IGSF5: variants seen among roughly 807,000 people sequenced by gnomAD.
The protein encoded by IGSF5 is immunoglobulin superfamily member 5, also known as immunoglobulin superfamily 5 like.
A neutral mutation model predicts 39.4 loss-of-function variants in IGSF5; 41 were observed. The ratio of observed to expected loss-of-function variants is 1.04; its 90% CI spans 0.81 to 1.35. The LOEUF (loss-of-function observed/expected upper bound fraction) is 1.35. IGSF5 is among the 40% of genes most tolerant of loss of function. IGSF5 has a pLI of 0.00. For synonymous variants in IGSF5, 183 were observed against 175.3 expected (o/e 1.04, Z -0.34); for missense variants, 487 against 494.6 (o/e 0.98, Z 0.15).
intron 8 of IGSF5, among the ~76,000 whole-genome samples, chr21:39,796,799 T>A (rs1458388425): frequency 6.6e-6 from 1 of 152,240 alleles, no homozygotes; most frequent in Non-Finnish European, 1.5e-5. Flanking sequence ...TGAGCCAGCC[T>A]GAAGCAAACA....
At chr21:39,795,371 A>G (rs1351713700) in intron 8 of IGSF5, among the ~76,000 whole-genome samples, 1 of 152,064 alleles carries the variant, frequency 6.6e-6, no homozygotes, top group Non-Finnish European at 1.5e-5. Context: ...ACGGACAGCC[A>G]ATAGCACATT....
At chr21:39,782,914 A>G (rs759796257) in intron 5 of IGSF5, among the ~76,000 whole-genome samples, 3 of 151,954 alleles carry the variant, frequency 2.0e-5, no homozygotes, top group Non-Finnish European at 4.4e-5. Flanking sequence ...GATCCCCACA[A>G]TTATAATCTC....
At position 39,753,949 on chromosome 21, in the gene IGSF5, C is replaced by A. The variant is rs149259775; in HGVS notation, c.100+7651C>A. Among the ~76,000 whole-genome samples, 1,335 of 151,726 alleles carry A rather than the reference C, an allele frequency of 8.8e-3. 11 individuals carry two copies. Among genetic ancestry groups the A allele is most frequent in the Admixed American group, 0.014 (212 of 15,230 alleles). ...TTTTGTTTTTTTTTAGTCCATTCTG[C>A]CATTTTTAATCTTTTAAGTGGAACA... On this transcript the variant is annotated intron_variant, in intron 2 of 8. Transcript: ENST00000380588.
At chr21:39,793,043 T>C (rs900521255) in intron 7 of IGSF5, among the ~76,000 whole-genome samples, 2 of 152,140 alleles carry the variant, frequency 1.3e-5, no homozygotes, top group Non-Finnish European at 2.9e-5. Context: ...GCCTCCCATG[T>C]GTATTCCAGA....
At chr21:39,749,156 G>C (rs1296621876) in intron 2 of IGSF5, among the ~76,000 whole-genome samples, 1 of 151,928 alleles carries the variant, frequency 6.6e-6, no homozygotes, top group African/African-American at 2.4e-5. Context: ...GAGGAGAAGG[G>C]GGGAGAAAGG....
intron 4 of IGSF5, among the ~76,000 whole-genome samples, chr21:39,778,828 G>T (rs2080154266): frequency 6.6e-6 from 1 of 152,100 alleles, no homozygotes; most frequent in Admixed American, 6.5e-5. Flanking sequence ...TACTTCTCAG[G>T]GATATTAGAG....
intron 8 of IGSF5, among the ~76,000 whole-genome samples, chr21:39,795,286 G>A (rs1220550754): frequency 6.6e-6 from 1 of 152,132 alleles, no homozygotes; most frequent in Non-Finnish European, 1.5e-5. Flanking sequence ...TGAGTGAAAG[G>A]TGGCAGTGGA....
chr21:39,752,284 A>G (rs1440121350), intron 2 of IGSF5, among the ~76,000 whole-genome samples: 1 of 152,168 alleles, frequency 6.6e-6, no homozygotes, highest in East Asian at 1.9e-4. Flanking sequence ...TTCCTGAGTT[A>G]CTTCACTTAG....
At chr21:39,788,332 A>G in intron 6 of IGSF5, 144 bp downstream of exon 6, 1 of 629,458 alleles carries the variant, frequency 1.6e-6, no homozygotes, top group South Asian at 2.0e-5. Flanking sequence ...GACAATGCTG[A>G]AAAACACGTA....
intron 2 of IGSF5, among the ~76,000 whole-genome samples, chr21:39,747,553 A>G (rs1741096578): frequency 6.6e-6 from 1 of 152,248 alleles, no homozygotes. Flanking sequence ...CTTAGGAATG[A>G]CGGGAGTTAC....
At chr21:39,725,639 G>C in the IGSF5 span, among the ~76,000 whole-genome samples, 1 of 152,174 alleles carries the variant, frequency 6.6e-6, no homozygotes, top group Non-Finnish European at 1.5e-5. Context: ...TGAAGCAGAT[G>C]ACAACTTTTC....
chr21:39,791,470 C>T (rs1025283112), intron 6 of IGSF5, among the ~76,000 whole-genome samples: 13 of 152,174 alleles, frequency 8.5e-5, no homozygotes, highest in African/African-American at 3.1e-4. Context: ...GGAGGCTGCA[C>T]CAACTTTTGC....
the IGSF5 span, among the ~76,000 whole-genome samples, chr21:39,738,053 T>C: frequency 2.6e-5 from 4 of 152,330 alleles, no homozygotes; most frequent in East Asian, 7.7e-4. The surrounding 1 kb of genome is among the most constrained non-coding windows in gnomAD (Gnocchi z 6.4). Flanking sequence ...ATCTATGTCA[T>C]CGATATCTAT....
At chr21:39,746,042 G>A (rs142781579) in intron 1 of IGSF5, among the ~76,000 whole-genome samples, 174 bp from the exon 2 acceptor site, 56 of 152,284 alleles carry the variant, frequency 3.7e-4, no homozygotes, top group Admixed American at 1.9e-3. Flanking sequence ...GGAATCTTGG[G>A]CCATGCGGTG....
At chr21:39,721,689 T>C in the IGSF5 span, among the ~76,000 whole-genome samples, 3 of 134,146 alleles carry the variant, frequency 2.2e-5, no homozygotes, top group South Asian at 6.9e-4. Flanking sequence ...CTTCCTTCCT[T>C]CCTTCCTTCC....
the IGSF5 span, among the ~76,000 whole-genome samples, chr21:39,728,946 T>C: frequency 6.6e-6 from 1 of 152,204 alleles, no homozygotes; most frequent in Non-Finnish European, 1.5e-5. Flanking sequence ...GCACTATTTG[T>C]GACCCCAAAT....
chr21:39,792,525 T>G (rs998752603), intron 7 of IGSF5, among the ~76,000 whole-genome samples: 3 of 133,050 alleles, frequency 2.3e-5, no homozygotes, highest in Non-Finnish European at 5.3e-5. Flanking sequence ...ACTTAAAGTA[T>G]AATAAAAAAA....
At chr21:39,737,711 G>A in the IGSF5 span, among the ~76,000 whole-genome samples, 3 of 152,202 alleles carry the variant, frequency 2.0e-5, no homozygotes, top group African/African-American at 7.2e-5. Flanking sequence ...CATGTGTTCC[G>A]GAGACGTCAT....
intron 4 of IGSF5, among the ~76,000 whole-genome samples, chr21:39,774,556 T>G (rs796718594): frequency 7.2e-5 from 11 of 152,326 alleles, no homozygotes; most frequent in African/African-American, 2.6e-4. Context: ...TCAGATCTGT[T>G]TTTTAGAAAT....
Sources: allele counts gnomAD v4.1 joint callset (sites outside exome capture counted in the v4.1 genomes callset), GRCh38; gene constraint gnomAD v4.1.1; non-coding constraint Gnocchi (gnomAD v3.1); transcripts MANE v1.5; gene names NCBI Gene and HGNC (gene_info 2026-07-23, HGNC 2026-07-21).